Variants in MELK observed in about 807,000 individuals in gnomAD.
The protein encoded by MELK is pEg3 kinase.
MELK carries 81 observed loss-of-function variants against 85.0 expected under a neutral mutation model. The ratio of observed to expected loss-of-function variants is 0.95; its 90% CI spans 0.80 to 1.15. The LOEUF is 1.15. Among genes scored for constraint, MELK ranks in the 50% most tolerant of loss-of-function variants. The probability of loss-of-function intolerance (pLI) is 0.00; values close to 1 mark genes in which losing one functional copy is unlikely to be tolerated. For synonymous variants in MELK, 252 were observed against 265.0 expected, an observed-to-expected ratio of 0.95 and a Z score of 0.48; for missense variants, 754 against 777.5, an observed-to-expected ratio of 0.97 and a Z score of 0.36.
Position 36,677,469 on chromosome 9 carries a change from T to C in MELK, c.*132T>C. On this transcript the variant is annotated 3_prime_UTR_variant, in exon 18 of 18. Transcript: ENST00000298048. Reference sequence around the variant, plus strand: ...TTCTAAAGAGCTATCTTAAGACCAATATCTCTTTGTTTTTAAACAAAAGAT... The same window carrying C: ...TTCTAAAGAGCTATCTTAAGACCAACATCTCTTTGTTTTTAAACAAAAGAT... The C allele has an allele frequency of 1.4e-6, 1 of 710,154 alleles. No homozygotes were observed. The highest frequency in any genetic ancestry group is 2.1e-6 in the Non-Finnish European group (1 of 475,468). 44.0% of individuals were successfully genotyped at this position (710,154 alleles called of 1,614,324 possible). A position where few individuals can be genotyped will look rare whatever the true frequency, so the allele number is the denominator to read the frequency against.
intron 11 of MELK, 127 bp downstream of exon 11, chr9:36,643,210 C>G: frequency 1.6e-6 from 1 of 627,100 alleles, no homozygotes; most frequent in Admixed American, 3.7e-5. Context: ...TGGTGAAACC[C>G]CATCTCTACT....
At chr9:36,647,930 G>A (rs954245419) in intron 11 of MELK, among the ~76,000 whole-genome samples, 3 of 151,994 alleles carry the variant, frequency 2.0e-5, no homozygotes, top group East Asian at 1.9e-4. Context: ...TACTATGATC[G>A]TGGCCATCTA....
At chr9:36,609,391 A>G (rs935359628) in intron 8 of MELK, among the ~76,000 whole-genome samples, 2 of 152,114 alleles carry the variant, frequency 1.3e-5, no homozygotes, top group Admixed American at 6.6e-5. Flanking sequence ...TTCCATAGCA[A>G]ACTGAGGTCA....
In MELK at chr9:36,677,487, CA is replaced by C; in HGVS notation, c.*154del. The C allele has an allele frequency of 1.6e-6, 1 of 614,564 alleles. No individual in the cohort carries two copies. The highest frequency in any genetic ancestry group is 2.6e-6 in the Non-Finnish European group (1 of 391,758). The allele number at this position is 614,564 out of a possible 1,614,324, so 38.1% of individuals were successfully genotyped here. ...AGACCAATATCTCTTTGTTTTTAAA[CA>C]AAAGATATTATTTTGTGTATGAATC... On this transcript the variant is annotated 3_prime_UTR_variant, in exon 18 of 18. Transcript: ENST00000298048.
At chr9:36,629,367 T>A (rs1035062476) in intron 8 of MELK, among the ~76,000 whole-genome samples, 5 of 152,354 alleles carry the variant, frequency 3.3e-5, no homozygotes, top group South Asian at 4.1e-4. Flanking sequence ...AGATATTCTA[T>A]CATGTATTAG....
At chr9:36,669,234 C>A in intron 14 of MELK, 76 bp from the exon 15 acceptor site, 1 of 916,412 alleles carries the variant, frequency 1.1e-6, no homozygotes, top group Non-Finnish European at 1.6e-6. Flanking sequence ...GTGATACCTG[C>A]ATTATTATTA....
chr9:36,642,690 A>G (rs544235386), intron 10 of MELK, among the ~76,000 whole-genome samples: 2 of 152,158 alleles, frequency 1.3e-5, no homozygotes, highest in East Asian at 3.9e-4. Flanking sequence ...CAGCCTCCCA[A>G]AATGCTAGAA....
At chr9:36,636,782 TTCTGTCTG>T (rs1554728995) in intron 10 of MELK, among the ~76,000 whole-genome samples, 25 of 107,668 alleles carry the variant, frequency 2.3e-4, no homozygotes, top group South Asian at 1.9e-3. Context: ...CTTTCTTTCT[TTCTGTCTG>T]TCTTTCTTTC....
At chr9:36,583,288 T>A (rs933925232) in intron 2 of MELK, among the ~76,000 whole-genome samples, 1 of 152,084 alleles carries the variant, frequency 6.6e-6, no homozygotes, top group African/African-American at 2.4e-5. Flanking sequence ...TATTTAAAAC[T>A]GAGTGGAAGT....
intron 5 of MELK, among the ~76,000 whole-genome samples, chr9:36,596,777 G>A (rs930790942): frequency 6.6e-6 from 1 of 151,050 alleles, no homozygotes; most frequent in Non-Finnish European, 1.5e-5. Context: ...GTAGAGACGG[G>A]GTTTCTCCAT....
At chr9:36,580,038 CTTTTTTTTT>C (rs58166111) in intron 1 of MELK, among the ~76,000 whole-genome samples, 1,303 of 117,990 alleles carry the variant, frequency 0.011, 16 homozygotes, top group African/African-American at 0.036. Flanking sequence ...TTCATGTCTT[CTTTTTTTTT>C]TTTTTTTTTT....
chr9:36,636,786 G>GTCTTTCTGTCTTTCTGTCTTTCTGTCTT (rs1224635956), intron 10 of MELK, among the ~76,000 whole-genome samples: 2 of 50,646 alleles, frequency 3.9e-5, no homozygotes, highest in Admixed American at 2.6e-4. Context: ...CTTTCTTTCT[G>GTCTTTCTGTCTTTCTGTCTTTCTGTCTT]TCTGTCTTTC....
intron 5 of MELK, 87 bp downstream of exon 5, chr9:36,594,858 T>C: frequency 1.4e-6 from 2 of 1,436,070 alleles, no homozygotes; most frequent in Non-Finnish European, 1.9e-6. Flanking sequence ...ATTAGGAATC[T>C]ATCTTTGGTT....
Position 36,657,907 on chromosome 9 carries a change from T to A in MELK, c.1176+544T>A, listed in dbSNP as rs79633042. Among the ~76,000 whole-genome samples the A allele has an allele frequency of 8.6e-3, 1,310 of 152,312 alleles. 26 individuals are homozygous for A. Among genetic ancestry groups the A allele is most frequent in the African/African-American group, 0.029 (1,216 of 41,572 alleles). On this transcript the variant is annotated intron_variant, in intron 13 of 17. Coordinates refer to ENST00000298048, the MANE Select transcript of MELK (RefSeq NM_014791.4). ...CTTCTTTTTTGTTTAAAATGAGGTA[T>A]AATGAGGTATACTTTACATGTAGTT... is the stretch of plus-strand genomic sequence containing the variant.
At chr9:36,588,917 A>G (rs1441699487) in intron 3 of MELK, among the ~76,000 whole-genome samples, 3 of 152,144 alleles carry the variant, frequency 2.0e-5, no homozygotes, top group African/African-American at 7.2e-5. Flanking sequence ...TGAGGCTGAA[A>G]GTGGTAGCTC....
intron 10 of MELK, among the ~76,000 whole-genome samples, chr9:36,638,981 A>G (rs1829484844): frequency 6.6e-6 from 1 of 152,142 alleles, no homozygotes; most frequent in Non-Finnish European, 1.5e-5. Context: ...CGTCCTGTGT[A>G]TTTGCAGCCT....
intron 9 of MELK, among the ~76,000 whole-genome samples, chr9:36,630,679 A>T (rs1382854820): frequency 1.3e-5 from 2 of 152,120 alleles, no homozygotes; most frequent in Non-Finnish European, 2.9e-5. Context: ...ATAGAGTCTC[A>T]CTCCTTAGAA....
intron 3 of MELK, among the ~76,000 whole-genome samples, chr9:36,584,408 C>T (rs1822628600): frequency 2.0e-5 from 3 of 149,850 alleles, no homozygotes; most frequent in Admixed American, 6.7e-5. Flanking sequence ...ACCTCCGCCT[C>T]CCAGGTTCAC....
chr9:36,667,789 C>G (rs1294553528), intron 14 of MELK, among the ~76,000 whole-genome samples: 1 of 151,606 alleles, frequency 6.6e-6, no homozygotes, highest in Non-Finnish European at 1.5e-5. Context: ...TTTTTTGAGA[C>G]AGAGTTTCAC....
Sources: allele counts gnomAD v4.1 joint callset (sites outside exome capture counted in the v4.1 genomes callset), GRCh38; gene constraint gnomAD v4.1.1; transcripts MANE v1.5; gene names NCBI Gene and HGNC (gene_info 2026-07-23, HGNC 2026-07-21).